TTC6: variants seen among roughly 807,000 people sequenced by gnomAD.
The protein encoded by TTC6 is tetratricopeptide repeat domain 6.
A neutral mutation model predicts 210.4 loss-of-function variants in TTC6; 172 were observed. The observed-to-expected ratio is 0.82, with a 90% CI of 0.72 to 0.93. The LOEUF (loss-of-function observed/expected upper bound fraction) is 0.93. Among genes scored for constraint, TTC6 ranks in the 40% least tolerant of loss-of-function variants. The pLI, the probability that TTC6 is intolerant of heterozygous loss-of-function variation, is 0.00. For missense variants in TTC6, 2,414 were observed against 2,318.1 expected, an observed-to-expected ratio of 1.04 and a Z score of -0.85; for synonymous variants, 804 against 819.6, an observed-to-expected ratio of 0.98 and a Z score of 0.32.
At chr14:37,611,861 G>GT (rs1253577895) in intron 2 of TTC6, among the ~76,000 whole-genome samples, 1 of 152,078 alleles carries the variant, frequency 6.6e-6, no homozygotes, top group Non-Finnish European at 1.5e-5. Context: ...AGTTTCCTGA[G>GT]TTTGGCTCCA....
At chr14:37,813,422 A>G (rs1171724347) in intron 25 of TTC6, among the ~76,000 whole-genome samples, 1 of 152,164 alleles carries the variant, frequency 6.6e-6, no homozygotes, top group Non-Finnish European at 1.5e-5. Context: ...AGAGAGTGAG[A>G]TAGTGGAGGT....
exon 31 of TTC6, chr14:37,842,375 C>G: frequency 4.0e-6 from 5 of 1,260,320 alleles, no homozygotes; most frequent in Non-Finnish European, 5.2e-6. Flanking sequence ...AAGGTTCTAC[C>G]ATTTTCATTA....
chr14:37,628,025 CA>C (rs2095663302), intron 1 of TTC6, among the ~76,000 whole-genome samples: 1 of 152,180 alleles, frequency 6.6e-6, no homozygotes. Flanking sequence ...GGCTGGAGTG[CA>C]ATGGCATGAT....
chr14:37,675,055 C>CT lies in TTC6; in HGVS notation c.940-5086dup, dbSNP rs555072156. ...TTCAAGTGCTCATCACATCCAATTA[C>CT]TTTTTTTTTTACACTGAGGTGAATT... On this transcript the variant is annotated intron_variant, in intron 1 of 30. Coordinates refer to ENST00000553443, the Ensembl canonical transcript of TTC6. 7.2e-3 allele frequency among the ~76,000 whole-genome samples: 1,072 copies of CT among 148,322 alleles called. 9 individuals are homozygous for CT. Among genetic ancestry groups the CT allele is most frequent in the African/African-American group, 0.022 (880 of 40,604 alleles).
intron 3 of TTC6, among the ~76,000 whole-genome samples, chr14:37,691,705 A>T (rs1415309094): frequency 6.6e-6 from 1 of 152,140 alleles, no homozygotes; most frequent in Non-Finnish European, 1.5e-5. Flanking sequence ...GCAGAAATAA[A>T]CTGAACTGAA....
chr14:37,677,662 A>G (rs1253107973), intron 1 of TTC6, among the ~76,000 whole-genome samples: 1 of 151,838 alleles, frequency 6.6e-6, no homozygotes, highest in Non-Finnish European at 1.5e-5. Flanking sequence ...CACTCCCCAT[A>G]TCCCTTTCTG....
rs58982783 is a variant in TTC6, at chr14:37,664,385, A to G, written c.940-15766A>G. Among the ~76,000 whole-genome samples the G allele has an allele frequency of 4.0e-3, 601 of 150,854 alleles. 30 individuals carry two copies. The East Asian group carries it at 0.1, about 26-fold the overall frequency. On this transcript the variant is annotated intron_variant, in intron 1 of 30. Transcript: ENST00000553443. ...CATCAGATCTTTGACAAAGCTGACA[A>G]CAAGAAGCAATGGAGAAAAGAATCC...
At chr14:37,602,595 T>C (rs1159338444) in intron 1 of TTC6, among the ~76,000 whole-genome samples, 1 of 152,126 alleles carries the variant, frequency 6.6e-6, no homozygotes, top group Non-Finnish European at 1.5e-5. Flanking sequence ...TCCTCGATGT[T>C]CCTCCCACCC....
At chr14:37,784,643 T>A (rs1480528384) in intron 14 of TTC6, among the ~76,000 whole-genome samples, 1 of 152,220 alleles carries the variant, frequency 6.6e-6, no homozygotes, top group Non-Finnish European at 1.5e-5. Context: ...TATTGTTATA[T>A]GTGAATGTGA....
chr14:37,690,509 T>C (rs1021213465), intron 3 of TTC6, among the ~76,000 whole-genome samples: 6 of 151,882 alleles, frequency 4.0e-5, no homozygotes, highest in Non-Finnish European at 7.4e-5. Context: ...AAGACACACA[T>C]AGACTGAAAA....
rs2095607757 is a variant in TTC6, at chr14:37,598,015, G to C, written c.-235+2007G>C. 6.6e-6 allele frequency among the ~76,000 whole-genome samples: 1 copy of C among 152,222 alleles called. No individual in the cohort carries two copies. ...GGTTTAAAAGCGAATCAGCAGGGTCGTGTTGGGTCTTTGACTTGGAAATGC... is the reference window on the plus strand; with the variant it reads ...GGTTTAAAAGCGAATCAGCAGGGTCCTGTTGGGTCTTTGACTTGGAAATGC... On this transcript the variant is annotated intron_variant, in intron 1 of 2. Transcript: ENST00000556845. This position sits in a 1 kb window ranked among gnomAD's most constrained non-coding sequence, Gnocchi z 4.9.
intron 1 of TTC6, among the ~76,000 whole-genome samples, chr14:37,654,363 G>A (rs747799122): frequency 1.9e-4 from 29 of 151,934 alleles, no homozygotes; most frequent in Non-Finnish European, 3.7e-4. Context: ...ATACACTTAT[G>A]TACCCACAAA....
intron 14 of TTC6, among the ~76,000 whole-genome samples, chr14:37,785,047 A>G (rs2096064345): frequency 6.6e-6 from 1 of 152,126 alleles, no homozygotes; most frequent in Non-Finnish European, 1.5e-5. Flanking sequence ...CTTTGGCTGC[A>G]CTTAAGATTT....
chr14:37,636,820 A>G (rs1459617863), intron 1 of TTC6, among the ~76,000 whole-genome samples: 1 of 152,266 alleles, frequency 6.6e-6, no homozygotes, highest in African/African-American at 2.4e-5. Context: ...TCTAAAATTT[A>G]ATGAAAAGGC....
exon 2 of TTC6, chr14:37,606,703 C>G (rs759494375): frequency 7.2e-4 from 707 of 985,174 alleles, no homozygotes; most frequent in Non-Finnish European, 8.0e-4. Flanking sequence ...CTGTGGGGCC[C>G]TGAGTGATGA....
In TTC6 at chr14:37,831,928, T is replaced by C. The variant is rs180831826; in HGVS notation, c.5298+4562T>C. Among the ~76,000 whole-genome samples the C allele has an allele frequency of 3.3e-5, 5 of 152,308 alleles. No individual in the cohort carries two copies. In the East Asian group the frequency reaches 7.7e-4, roughly 24 times the overall value. On this transcript the variant is annotated intron_variant, in intron 29 of 30. Coordinates refer to ENST00000553443, the Ensembl canonical transcript of TTC6. ...ATTGCCATTCCTATGCAGAAGCTTT[T>C]TCAGCTTGATATAAACCCACTTGTC...
intron 2 of TTC6, among the ~76,000 whole-genome samples, chr14:37,614,872 A>C (rs1246361034): frequency 6.6e-6 from 1 of 151,990 alleles, no homozygotes; most frequent in Non-Finnish European, 1.5e-5. Flanking sequence ...TCAGCCTCCC[A>C]CGTAACTGGG....
At chr14:37,805,693 T>C (rs1019473489) in intron 21 of TTC6, among the ~76,000 whole-genome samples, 1 of 152,084 alleles carries the variant, frequency 6.6e-6, no homozygotes, top group African/African-American at 2.4e-5. Context: ...TGAAGTGTTT[T>C]TTTGTTTGTT....
chr14:37,757,324 G>A (rs1052376546), intron 14 of TTC6, among the ~76,000 whole-genome samples: 5 of 151,886 alleles, frequency 3.3e-5, no homozygotes, highest in Non-Finnish European at 7.4e-5. Context: ...GCAGTGGCTC[G>A]ATCTTGGTTC....
Sources: gnomAD v4.1 joint callset for allele counts (sites outside exome capture counted in the v4.1 genomes callset) on GRCh38, gnomAD v4.1.1 for gene constraint, Gnocchi (gnomAD v3.1) non-coding constraint, MANE v1.5 for transcripts, NCBI Gene and HGNC (gene_info 2026-07-23, HGNC 2026-07-21) for gene names.